The following REDIC1 variants were observed in gnomAD, a reference collection of about 807,000 sequenced individuals.
REDIC1 encodes HEI10 Interacting Protein 1.
the REDIC1 span, among the ~76,000 whole-genome samples, chr12:39,763,044 A>G: frequency 6.6e-6 from 1 of 152,072 alleles, no homozygotes; most frequent in Admixed American, 6.6e-5. Flanking sequence ...TCAGGATGCG[A>G]GCATATACTT....
chr12:39,682,106 G>A, the REDIC1 span, among the ~76,000 whole-genome samples: 1 of 151,960 alleles, frequency 6.6e-6, no homozygotes, highest in South Asian at 2.1e-4. Context: ...ATACACATTT[G>A]TATTTATATT....
the REDIC1 span, among the ~76,000 whole-genome samples, chr12:39,725,528 T>G: frequency 2.0e-5 from 3 of 152,234 alleles, no homozygotes; most frequent in African/African-American, 7.2e-5. Flanking sequence ...GGAATTTGTT[T>G]TATTTCGCAG....
chr12:39,687,352 A>G, the REDIC1 span, among the ~76,000 whole-genome samples: 1 of 152,222 alleles, frequency 6.6e-6, no homozygotes, highest in Admixed American at 6.5e-5. Flanking sequence ...ACGGTTTCAC[A>G]TGCTGTATAG....
At chr12:39,632,989 C>G in the REDIC1 span, among the ~76,000 whole-genome samples, 1 of 152,060 alleles carries the variant, frequency 6.6e-6, no homozygotes, top group South Asian at 2.1e-4. Context: ...TTAGGCTACA[C>G]TAAATTTATG....
chr12:39,710,778 C>G, the REDIC1 span, among the ~76,000 whole-genome samples: 16 of 151,838 alleles, frequency 1.1e-4, no homozygotes, highest in South Asian at 3.3e-3. Context: ...AAATGTATAT[C>G]TTTCTCCATT....
At chr12:39,895,222 G>A in the REDIC1 span, among the ~76,000 whole-genome samples, 1 of 151,988 alleles carries the variant, frequency 6.6e-6, no homozygotes, top group Non-Finnish European at 1.5e-5. Context: ...ACCTCAGGAT[G>A]TAACTAAACT....
At chr12:39,634,021 C>T in the REDIC1 span, among the ~76,000 whole-genome samples, 1 of 152,106 alleles carries the variant, frequency 6.6e-6, no homozygotes, top group Admixed American at 6.6e-5. Context: ...TTACTTTGGG[C>T]AGTATGACCA....
At chr12:39,702,433 C>T in the REDIC1 span, among the ~76,000 whole-genome samples, 1 of 152,246 alleles carries the variant, frequency 6.6e-6, no homozygotes, top group Non-Finnish European at 1.5e-5. Context: ...GAAATTGTGG[C>T]AATAATCAAT....
chr12:39,736,039 A>G, the REDIC1 span, among the ~76,000 whole-genome samples: 1 of 152,230 alleles, frequency 6.6e-6, no homozygotes, highest in South Asian at 2.1e-4. Context: ...TAATACTGGT[A>G]GGAAGCAGGC....
the REDIC1 span, among the ~76,000 whole-genome samples, chr12:39,727,268 G>A: frequency 2.0e-5 from 3 of 152,086 alleles, no homozygotes; most frequent in Non-Finnish European, 4.4e-5. Flanking sequence ...TTCTTCTAGG[G>A]TTTTTATGGT....
chr12:39,847,918 A>G, the REDIC1 span, among the ~76,000 whole-genome samples: 1 of 152,176 alleles, frequency 6.6e-6, no homozygotes, highest in Non-Finnish European at 1.5e-5. Context: ...AATGTAAATA[A>G]AAACCTAAGA....
the REDIC1 span, among the ~76,000 whole-genome samples, chr12:39,782,582 T>C: frequency 3.8e-4 from 58 of 152,162 alleles, no homozygotes; most frequent in Admixed American, 8.5e-4. Context: ...AGCATGAAAA[T>C]GGACTAATAC....
the REDIC1 span, among the ~76,000 whole-genome samples, chr12:39,875,597 C>A: frequency 6.6e-6 from 1 of 152,004 alleles, no homozygotes; most frequent in Non-Finnish European, 1.5e-5. Context: ...TAAGCAAAAG[C>A]CAACAGTTAT....
At chr12:39,690,019 A>T in the REDIC1 span, among the ~76,000 whole-genome samples, 453 of 152,282 alleles carry the variant, frequency 3.0e-3, 1 homozygote, top group African/African-American at 0.01. Context: ...TTAAATTGTG[A>T]TGCCTGGCCA....
At chr12:39,739,332 T>C in the REDIC1 span, among the ~76,000 whole-genome samples, 27 of 152,332 alleles carry the variant, frequency 1.8e-4, no homozygotes, top group African/African-American at 6.0e-4. Flanking sequence ...AATGAGTTTT[T>C]AATTTAATAG....
At chr12:39,631,922 G>A in the REDIC1 span, among the ~76,000 whole-genome samples, 1 of 151,982 alleles carries the variant, frequency 6.6e-6, no homozygotes, top group East Asian at 1.9e-4. Context: ...TGCAGTTTAA[G>A]TAATTGATGA....
At chr12:39,803,406 C>T in the REDIC1 span, among the ~76,000 whole-genome samples, 1 of 152,070 alleles carries the variant, frequency 6.6e-6, no homozygotes, top group Non-Finnish European at 1.5e-5. Flanking sequence ...GCACATTAAA[C>T]TTTAGACCAT....
the REDIC1 span, among the ~76,000 whole-genome samples, chr12:39,700,737 C>T: frequency 0.71 from 106,382 of 149,710 alleles, 39,380 homozygotes; most frequent in Non-Finnish European, 0.81. Flanking sequence ...CAGTGGATCT[C>T]TCAGCAGAAA....
At chr12:39,849,581 T>C in the REDIC1 span, among the ~76,000 whole-genome samples, 1 of 152,212 alleles carries the variant, frequency 6.6e-6, no homozygotes, top group Non-Finnish European at 1.5e-5. Context: ...TGTTCCTTTG[T>C]GACTCTTCCT....
Sources: gnomAD v4.1 joint callset for allele counts (sites outside exome capture counted in the v4.1 genomes callset) on GRCh38, gnomAD v4.1.1 for gene constraint, MANE v1.5 for transcripts, NCBI Gene and HGNC (gene_info 2026-07-23, HGNC 2026-07-21) for gene names.